Variants in ERI1 observed in about 807,000 individuals in gnomAD.
ERI1 encodes the protein 3'-5' exoribonuclease 1.
Under a neutral mutation model 39.7 loss-of-function variants are expected in ERI1, and 39 were observed. The observed-to-expected ratio is 0.98, with a 90% CI of 0.76 to 1.28. The LOEUF (loss-of-function observed/expected upper bound fraction) is 1.28, where lower values mean the gene tolerates loss of function less well. Ranked by LOEUF, ERI1 falls within the 50% of genes most tolerant of loss-of-function variation. ERI1 has a pLI of 0.00. For synonymous variants in ERI1, 204 were observed against 149.6 expected (o/e 1.36, Z -2.65); for missense variants, 581 against 416.9 (o/e 1.39, Z -3.43).
chr8:9,063,018 C>T (rs543871247), intron 3 of ERI1, among the ~76,000 whole-genome samples: 6 of 152,252 alleles, frequency 3.9e-5, no homozygotes, highest in African/African-American at 1.4e-4. Flanking sequence ...CAAGGAATTG[C>T]AACTCAGAAA....
At chr8:9,040,637 T>C in intron 3 of ERI1, among the ~76,000 whole-genome samples, 1 of 152,116 alleles carries the variant, frequency 6.6e-6, no homozygotes, top group Non-Finnish European at 1.5e-5. Flanking sequence ...GGGTTAGACA[T>C]ATCCCACATG....
intron 3 of ERI1, among the ~76,000 whole-genome samples, chr8:9,054,936 A>G (rs1207327608): frequency 6.6e-6 from 1 of 152,216 alleles, no homozygotes; most frequent in Non-Finnish European, 1.5e-5. Flanking sequence ...TCAAAAATAA[A>G]CAATAAATAA....
chr8:9,040,587 C>G (rs1797985421), intron 3 of ERI1, among the ~76,000 whole-genome samples: 1 of 152,148 alleles, frequency 6.6e-6, no homozygotes, highest in Non-Finnish European at 1.5e-5. Flanking sequence ...TAAAATTACC[C>G]TTGCTGAGGC....
chr8:9,005,682 AT>A (rs925783570), intron 1 of ERI1, among the ~76,000 whole-genome samples: 6 of 149,496 alleles, frequency 4.0e-5, no homozygotes, highest in African/African-American at 1.5e-4. Context: ...AATTTTTTGT[AT>A]TTTTAGTAGA....
chr8:9,012,380 C>T (rs1816762643), intron 3 of ERI1, among the ~76,000 whole-genome samples: 1 of 152,182 alleles, frequency 6.6e-6, no homozygotes. Flanking sequence ...ATACTGTTTA[C>T]CTTATAAAAT....
intron 6 of ERI1, among the ~76,000 whole-genome samples, chr8:9,026,944 T>A (rs117480056): frequency 5.6e-4 from 86 of 152,300 alleles, no homozygotes; most frequent in Non-Finnish European, 1.1e-3. Flanking sequence ...GTTATGAACA[T>A]GGATGTACAG....
chr8:9,028,805 G>C (rs920870610), intron 6 of ERI1, among the ~76,000 whole-genome samples: 74 of 151,872 alleles, frequency 4.9e-4, no homozygotes, highest in Non-Finnish European at 1.2e-4. Context: ...TATATTTTTA[G>C]TAGAGATGGG....
At chr8:9,090,660 C>G (rs1261404332) in intron 3 of ERI1, among the ~76,000 whole-genome samples, 2 of 152,124 alleles carry the variant, frequency 1.3e-5, no homozygotes, top group Non-Finnish European at 2.9e-5. Context: ...TCTCTGGGGT[C>G]CTCCTCTATA....
At chr8:9,058,397 G>T (rs750583318) in intron 3 of ERI1, among the ~76,000 whole-genome samples, 2 of 152,158 alleles carry the variant, frequency 1.3e-5, no homozygotes, top group Non-Finnish European at 2.9e-5. Flanking sequence ...TTACTCATGG[G>T]CCTAGCTCCT....
intron 3 of ERI1, among the ~76,000 whole-genome samples, chr8:9,093,219 G>A (rs1284432612): frequency 1.3e-5 from 2 of 152,112 alleles, no homozygotes; most frequent in Non-Finnish European, 2.9e-5. Flanking sequence ...TGGGCCGCAC[G>A]TAAAATACAC....
chr8:9,021,503 T>C (rs1817888330), intron 6 of ERI1, among the ~76,000 whole-genome samples: 2 of 152,322 alleles, frequency 1.3e-5, no homozygotes, highest in East Asian at 1.9e-4. Context: ...CAGACTCTTC[T>C]GTTTTAACAG....
downstream of ERI1, among the ~76,000 whole-genome samples, chr8:9,037,425 G>T (rs1797887594): frequency 6.6e-6 from 1 of 151,596 alleles, no homozygotes; most frequent in Non-Finnish European, 1.5e-5. Context: ...CCCTCTATTT[G>T]TTCATTGCAC....
At chr8:9,064,884 G>C (rs373886509) in intron 3 of ERI1, among the ~76,000 whole-genome samples, 19 of 152,278 alleles carry the variant, frequency 1.2e-4, no homozygotes, top group African/African-American at 3.6e-4. Flanking sequence ...GGCTGAGTCC[G>C]AGAAGAGAGT....
chr8:9,067,923 T>TACACAC (rs34870760), intron 3 of ERI1, among the ~76,000 whole-genome samples: 501 of 149,830 alleles, frequency 3.3e-3, no homozygotes, highest in African/African-American at 7.0e-3. Context: ...ATGCTACAAA[T>TACACAC]ACACACACAC....
intron 3 of ERI1, among the ~76,000 whole-genome samples, chr8:9,073,043 G>T: frequency 6.6e-6 from 1 of 152,152 alleles, no homozygotes; most frequent in East Asian, 1.9e-4. Flanking sequence ...TGGCCTTCAG[G>T]ATTTTTTTAT....
At chr8:9,067,985 C>T (rs1039475660) in intron 3 of ERI1, among the ~76,000 whole-genome samples, 1 of 152,048 alleles carries the variant, frequency 6.6e-6, no homozygotes, top group African/African-American at 2.4e-5. Flanking sequence ...AACATTCTTT[C>T]CTCAACAGTC....
downstream of ERI1, among the ~76,000 whole-genome samples, chr8:9,033,674 C>T (rs1411723044): frequency 2.6e-5 from 4 of 152,190 alleles, no homozygotes; most frequent in Non-Finnish European, 4.4e-5. Flanking sequence ...CTGCAGTTTA[C>T]AGATGGGAAA....
chr8:9,013,160 G>A (rs1172441225), intron 3 of ERI1, among the ~76,000 whole-genome samples: 2 of 151,780 alleles, frequency 1.3e-5, no homozygotes, highest in African/African-American at 4.8e-5. Flanking sequence ...GAATACAGGT[G>A]TGTGTCACCA....
chr8:9,019,625 T>C (rs1231569313), intron 5 of ERI1, among the ~76,000 whole-genome samples: 2 of 152,128 alleles, frequency 1.3e-5, no homozygotes, highest in Admixed American at 1.3e-4. Flanking sequence ...GAAGGTGAGG[T>C]TGCGTCAAAG....
Sources: gnomAD v4.1 joint callset for allele counts (sites outside exome capture counted in the v4.1 genomes callset) on GRCh38, gnomAD v4.1.1 for gene constraint, MANE v1.5 for transcripts, NCBI Gene and HGNC (gene_info 2026-07-23, HGNC 2026-07-21) for gene names.